The following USP6NL variants were observed in gnomAD, a reference collection of about 807,000 sequenced individuals.
USP6NL encodes the protein USP6 N-terminal like, also known as USP6 N-terminal-like protein.
Under a neutral mutation model 61.9 loss-of-function variants are expected in USP6NL, and 26 were observed. The observed-to-expected ratio is 0.42, with a 90% CI of 0.31 to 0.58. USP6NL has a LOEUF of 0.58. Among genes scored for constraint, USP6NL ranks in the 20% least tolerant of loss-of-function variants. USP6NL has a pLI of 0.16. For missense variants in USP6NL, 1,114 were observed against 1,034.3 expected (o/e 1.08, Z -1.06); for synonymous variants, 432 against 390.1 (o/e 1.11, Z -1.27).
At chr10:11,560,489 T>C (rs1591928597) in intron 2 of USP6NL, among the ~76,000 whole-genome samples, 1 of 151,944 alleles carries the variant, frequency 6.6e-6, no homozygotes, top group East Asian at 1.9e-4. Flanking sequence ...CTCAGGATTT[T>C]TTTTTCTTAT....
At chr10:11,531,436 C>A (rs927745365) in intron 2 of USP6NL, among the ~76,000 whole-genome samples, 1 of 152,076 alleles carries the variant, frequency 6.6e-6, no homozygotes, top group Non-Finnish European at 1.5e-5. Flanking sequence ...AACTCTCCTG[C>A]CTCAGCCTCC....
Position 11,600,841 on chromosome 10 carries a change from G to C in USP6NL, c.-83-3124C>G, listed in dbSNP as rs567310064. Among the ~76,000 whole-genome samples, 3 of 152,016 alleles carry C rather than the reference G, an allele frequency of 2.0e-5. No individual in the cohort carries two copies. Among genetic ancestry groups the C allele is most frequent in the Non-Finnish European group, 4.4e-5 (3 of 67,996 alleles). ...AAATTAGCTGGGCGTGGTGGCAGCC[G>C]CCTGTAATGCCAGCTACTGGAGAGG... On this transcript the variant is annotated intron_variant, in intron 1 of 14. Transcript: ENST00000609104. The surrounding 1 kb of genome is among the most constrained non-coding windows in gnomAD (Gnocchi z 4.1).
rs561385838 is a variant in USP6NL at position 11,562,877 on chromosome 10, A to G, written c.4+34754T>C. 1.5e-6 allele frequency: 1 copy of G among 658,464 alleles called. No individual in the cohort carries two copies. The highest frequency in any genetic ancestry group is 2.0e-5 in the African/African-American group (1 of 50,722). The allele number at this position is 658,464 out of a possible 1,614,324, so 40.8% of individuals were successfully genotyped here. The stretch of plus-strand genomic sequence containing the variant: ...TAGTTTCTTGAAAAAGTAGACATCC[A>G]CTTACCATGCAATCTATGAATCACA... On this transcript the variant is annotated intron_variant, in intron 2 of 14. Transcript: ENST00000609104. The surrounding 1 kb of genome is among the most constrained non-coding windows in gnomAD (Gnocchi z 4.8).
chr10:11,497,532 T>C (rs1333793710), intron 7 of USP6NL, among the ~76,000 whole-genome samples: 2 of 152,144 alleles, frequency 1.3e-5, no homozygotes, highest in Non-Finnish European at 2.9e-5. Flanking sequence ...AAGAAAATGT[T>C]TGACAAGACA....
Position 11,485,102 on chromosome 10 carries a change from G to GT in USP6NL, c.826-33_826-32insA. ...TTAAAAGCAAAACAAAACAAAAATAGGGTTAACAGCTTCCCCTCACCTTGT... is the reference window on the plus strand; with the variant it reads ...TTAAAAGCAAAACAAAACAAAAATAGTGGTTAACAGCTTCCCCTCACCTTGT... On this transcript the variant is annotated intron_variant, in intron 12 of 14. Coordinates refer to ENST00000609104, the MANE Select transcript of USP6NL (RefSeq NM_014688.5). The surrounding 1 kb of genome is among the most constrained non-coding windows in gnomAD (Gnocchi z 4.8). 4 of 1,536,360 alleles carry GT rather than the reference G, an allele frequency of 2.6e-6. No homozygotes were observed. The African/African-American group carries it at 5.5e-5, about 21-fold the overall frequency.
rs763312528 is a variant in USP6NL at position 11,463,337 on chromosome 10, G to A, written c.1591C>T (p.Arg531Trp). Residue 531 changes from arginine (R) to tryptophan (W), a missense_variant, in exon 15 of 15, where the codon CGG becomes TGG. By Grantham distance (101) the Arg-to-Trp change is moderately radical. Coordinates refer to ENST00000609104, the MANE Select transcript of USP6NL (RefSeq NM_014688.5). The surrounding 1 kb of genome is among the most constrained non-coding windows in gnomAD (Gnocchi z 6.3). ...GPAEVRVSNV[R>W]PKMKALDAED... The stretch of plus-strand genomic sequence containing the variant: ...GCATCCAGGGCCTTCATCTTTGGCC[G>A]CACGTTTGACACCCGCACCTCGGCA... The A allele has an allele frequency of 1.2e-6, 2 of 1,613,756 alleles. No homozygotes were observed. The highest frequency in any genetic ancestry group is 4.5e-5 in the East Asian group (2 of 44,886).
Position 11,587,138 on chromosome 10 carries a change from T to C in USP6NL, c.4+10493A>G, listed in dbSNP as rs1390036186. Among the ~76,000 whole-genome samples, 1 of 152,182 alleles carries C rather than the reference T, an allele frequency of 6.6e-6. No individual in the cohort carries two copies. Among genetic ancestry groups the C allele is most frequent in the Non-Finnish European group, 1.5e-5 (1 of 68,024 alleles). On this transcript the variant is annotated intron_variant, in intron 2 of 14. Transcript: ENST00000609104. This position sits in a 1 kb window ranked among gnomAD's most constrained non-coding sequence, Gnocchi z 4.5. ...GTCATGTCTGTCTTGTTCTTGGCTG[T>C]ATCATCTAAGACCACCACAGAAACA...
At chr10:11,467,730 T>C (rs1445106499) in intron 14 of USP6NL, among the ~76,000 whole-genome samples, 2 of 152,182 alleles carry the variant, frequency 1.3e-5, no homozygotes, top group Non-Finnish European at 2.9e-5. Context: ...TCTACAAAAA[T>C]GACTGAAAGA....
In USP6NL at chr10:11,503,221, A is replaced by G. The variant is rs544454504; in HGVS notation, c.277-2013T>C. Among the ~76,000 whole-genome samples the G allele has an allele frequency of 3.3e-5, 5 of 152,332 alleles. No homozygotes were observed. The South Asian group carries it at 1.0e-3, about 32-fold the overall frequency. Reference sequence around the variant, plus strand: ...TAAAATTTTAATAGGAACGTGTAATATGACTGACTTCAGTGGACCCGAACA... The same window carrying G: ...TAAAATTTTAATAGGAACGTGTAATGTGACTGACTTCAGTGGACCCGAACA... On this transcript the variant is annotated intron_variant, in intron 6 of 14. Transcript: ENST00000609104.
Position 11,518,702 on chromosome 10 carries a change from T to G in USP6NL, c.156-128A>C, listed in dbSNP as rs1008748168. The G allele has an allele frequency of 1.5e-6, 1 of 673,928 alleles. No homozygotes were observed. The highest frequency in any genetic ancestry group is 3.4e-5 in the Admixed American group (1 of 28,990). 41.7% of individuals were successfully genotyped at this position (673,928 alleles called of 1,614,324 possible). ...ATCACAAGAGTTACATAGGCTTCCA[T>G]TCATTGAATTCAATATGAAATGATA... On this transcript the variant is annotated intron_variant, in intron 4 of 14. Transcript: ENST00000609104. The surrounding 1 kb of genome is among the most constrained non-coding windows in gnomAD (Gnocchi z 5.3).
intron 7 of USP6NL, among the ~76,000 whole-genome samples, 178 bp downstream of exon 7, chr10:11,500,922 TA>T (rs1834157601): frequency 1.3e-5 from 2 of 152,242 alleles, no homozygotes; most frequent in South Asian, 4.1e-4. Context: ...AGTATCTATT[TA>T]AAATTTAAGA....
At chr10:11,563,253 T>A (rs757077015) in intron 2 of USP6NL, 20 of 152,134 alleles carry the variant, frequency 1.3e-4, no homozygotes, top group Admixed American at 2.0e-4. Flanking sequence ...AACAAATTCA[T>A]TGCAAGGGGT....
At chr10:11,560,233 T>A (rs1181321242) in intron 2 of USP6NL, among the ~76,000 whole-genome samples, 1 of 152,172 alleles carries the variant, frequency 6.6e-6, no homozygotes, top group African/African-American at 2.4e-5. Flanking sequence ...CCACTTAATG[T>A]TCACAGCAAC....
intron 14 of USP6NL, among the ~76,000 whole-genome samples, chr10:11,480,846 C>CCTAGCCTCTTA (rs1385498330): frequency 6.6e-6 from 1 of 152,188 alleles, no homozygotes; most frequent in Non-Finnish European, 1.5e-5. Context: ...CTTCCACTTC[C>CCTAGCCTCTTA]CTAGCCTCTT....
At chr10:11,493,635 A>G (rs900522825) in intron 7 of USP6NL, among the ~76,000 whole-genome samples, 3 of 152,142 alleles carry the variant, frequency 2.0e-5, no homozygotes, top group African/African-American at 4.8e-5. Flanking sequence ...TTGTTTCTCA[A>G]TTTGCTTTGT....
At chr10:11,609,706 T>C (rs554859738) in intron 1 of USP6NL, among the ~76,000 whole-genome samples, 2 of 152,292 alleles carry the variant, frequency 1.3e-5, no homozygotes, top group African/African-American at 4.8e-5. Flanking sequence ...CATGGGCACA[T>C]GGTGGCAAAG....
intron 2 of USP6NL, among the ~76,000 whole-genome samples, chr10:11,580,597 G>C (rs948884457): frequency 1.3e-5 from 2 of 152,076 alleles, no homozygotes; most frequent in African/African-American, 4.8e-5. Flanking sequence ...AAATCACCTG[G>C]GGAGTTTCAA....
chr10:11,523,719 T>C (rs896472730), intron 4 of USP6NL, among the ~76,000 whole-genome samples: 4 of 152,228 alleles, frequency 2.6e-5, no homozygotes, highest in African/African-American at 9.6e-5. Context: ...TAGATCCATT[T>C]TGGAATGCAC....
In USP6NL at chr10:11,587,647, T is replaced by G. The variant is rs1838021011; in HGVS notation, c.4+9984A>C. ...TATGTACAAATAGCTATAGCTGTTT[T>G]ATTATTATAAAATAATTCGATTCAA... On this transcript the variant is annotated intron_variant, in intron 2 of 14. Coordinates refer to ENST00000609104, the MANE Select transcript of USP6NL (RefSeq NM_014688.5). This position sits in a 1 kb window ranked among gnomAD's most constrained non-coding sequence, Gnocchi z 4.5. 6.6e-6 allele frequency among the ~76,000 whole-genome samples: 1 copy of G among 152,214 alleles called. No individual in the cohort carries two copies. The highest frequency in any genetic ancestry group is 6.5e-5 in the Admixed American group (1 of 15,290).
Sources: gnomAD v4.1 joint callset for allele counts (sites outside exome capture counted in the v4.1 genomes callset) on GRCh38, gnomAD v4.1.1 for gene constraint, Gnocchi (gnomAD v3.1) non-coding constraint, MANE v1.5 for transcripts, NCBI Gene and HGNC (gene_info 2026-07-23, HGNC 2026-07-21) for gene names.